The following NR6A1 variants were observed in gnomAD, a reference collection of about 807,000 sequenced individuals.
NR6A1 encodes the protein nuclear receptor subfamily 6 group A member 1, also known as retinoic acid receptor-related testis-associated receptor.
A neutral mutation model predicts 59.1 loss-of-function variants in NR6A1; 7 were observed. The ratio of observed to expected loss-of-function variants is 0.12; its 90% CI spans 0.07 to 0.22. The LOEUF (loss-of-function observed/expected upper bound fraction) is 0.22, where lower values mean the gene tolerates loss of function less well. Ranked by LOEUF, NR6A1 falls within the 10% of genes least tolerant of loss-of-function variation. The pLI is 1.00. For missense variants in NR6A1, 468 were observed against 611.6 expected (o/e 0.77, Z 2.48); for synonymous variants, 243 against 236.1 (o/e 1.03, Z -0.27).
intron 2 of NR6A1, among the ~76,000 whole-genome samples, chr9:124,562,395 T>C (rs1834107777): frequency 6.6e-6 from 1 of 152,158 alleles, no homozygotes; most frequent in African/African-American, 2.4e-5. Flanking sequence ...CTATAGACTT[T>C]CAAACCTTAG....
intron 2 of NR6A1, among the ~76,000 whole-genome samples, chr9:124,590,300 A>G (rs1835078773): frequency 6.6e-6 from 1 of 151,922 alleles, no homozygotes; most frequent in Non-Finnish European, 1.5e-5. Context: ...GCAGCCATAC[A>G]TTTGGAAGAG....
At chr9:124,563,857 T>C (rs1466236355) in intron 2 of NR6A1, among the ~76,000 whole-genome samples, 1 of 152,064 alleles carries the variant, frequency 6.6e-6, no homozygotes, top group Non-Finnish European at 1.5e-5. Flanking sequence ...GGGAGAATCA[T>C]TTGAGGCCAG....
chr9:124,753,496 A>G (rs1452505449), intron 1 of NR6A1, among the ~76,000 whole-genome samples: 2 of 152,248 alleles, frequency 1.3e-5, no homozygotes, highest in African/African-American at 2.4e-5. Flanking sequence ...GATACAGGAA[A>G]AACTGAAGAT....
intron 2 of NR6A1, among the ~76,000 whole-genome samples, chr9:124,725,627 T>C (rs1839691509): frequency 6.6e-6 from 1 of 152,084 alleles, no homozygotes; most frequent in Non-Finnish European, 1.5e-5. Context: ...ATTCCAAAGA[T>C]ACAACACAAG....
intron 2 of NR6A1, among the ~76,000 whole-genome samples, chr9:124,701,076 T>A (rs916502299): frequency 6.6e-6 from 1 of 152,188 alleles, no homozygotes; most frequent in Admixed American, 6.5e-5. Context: ...ACAGTCTTTG[T>A]ATGGACATAA....
chr9:124,609,707 C>G (rs1048278845), intron 2 of NR6A1, among the ~76,000 whole-genome samples: 1 of 152,128 alleles, frequency 6.6e-6, no homozygotes, highest in African/African-American at 2.4e-5. Context: ...GGTGGTATGG[C>G]CATTTTGACA....
At chr9:124,599,297 G>C (rs1835377071) in intron 2 of NR6A1, 1 of 382,540 alleles carries the variant, frequency 2.6e-6, no homozygotes, top group East Asian at 6.5e-5. Flanking sequence ...ACAAAAAATA[G>C]CTGGGCGTGG....
chr9:124,659,331 C>T (rs768702212), intron 2 of NR6A1, among the ~76,000 whole-genome samples: 7 of 152,148 alleles, frequency 4.6e-5, no homozygotes, highest in African/African-American at 1.4e-4. Flanking sequence ...CTCATGCGTG[C>T]GATCGTGACT....
chr9:124,671,091 G>C (rs1335255997), intron 2 of NR6A1, among the ~76,000 whole-genome samples: 4 of 152,184 alleles, frequency 2.6e-5, no homozygotes, highest in Admixed American at 2.6e-4. Context: ...GTAGAATGGT[G>C]ATTACCAGGA....
At chr9:124,674,672 G>C (rs1289670742) in intron 2 of NR6A1, among the ~76,000 whole-genome samples, 1 of 152,032 alleles carries the variant, frequency 6.6e-6, no homozygotes, top group Non-Finnish European at 1.5e-5. Context: ...TTGGACATAA[G>C]CAACTTAATA....
chr9:124,705,966 A>G (rs1839121595), intron 2 of NR6A1, among the ~76,000 whole-genome samples: 1 of 152,016 alleles, frequency 6.6e-6, no homozygotes, highest in African/African-American at 2.4e-5. Context: ...AGTAGAGACA[A>G]GGTTTCATCA....
At chr9:124,586,588 G>A (rs191897546) in intron 2 of NR6A1, among the ~76,000 whole-genome samples, 70 of 152,186 alleles carry the variant, frequency 4.6e-4, no homozygotes, top group African/African-American at 1.5e-3. Context: ...TGGGACTACA[G>A]GCATGCGCCA....
chr9:124,555,383 G>A (rs537147471), intron 2 of NR6A1, among the ~76,000 whole-genome samples: 1 of 152,274 alleles, frequency 6.6e-6, no homozygotes, highest in East Asian at 1.9e-4. Flanking sequence ...GGAAGGTTCC[G>A]ATCAGAGGCC....
intron 2 of NR6A1, among the ~76,000 whole-genome samples, chr9:124,581,268 A>G (rs990064505): frequency 6.6e-6 from 1 of 152,228 alleles, no homozygotes; most frequent in African/African-American, 2.4e-5. Context: ...ATGGGATTTA[A>G]TTAAACTAAA....
rs11346749 is a variant in NR6A1, at chr9:124,601,583, C to CA, written c.143-47014dup. ...TGGGCGACAGAGGGAGACTCTGTGTCAAAAAAAAAAAAAAAAGAAAGAAAA... is the reference window on the plus strand; with the variant it reads ...TGGGCGACAGAGGGAGACTCTGTGTCAAAAAAAAAAAAAAAAAGAAAGAAAA... On this transcript the variant is annotated intron_variant, in intron 2 of 9. Transcript: ENST00000487099. 5.3e-3 allele frequency among the ~76,000 whole-genome samples: 475 copies of CA among 89,800 alleles called. 2 individuals carry two copies. The highest frequency in any genetic ancestry group is 0.024 in the South Asian group (64 of 2,676). The allele number at this position is 89,800 out of a possible 152,430, so 58.9% of individuals were successfully genotyped here.
At chr9:124,616,835 G>GTA (rs1835908522) in intron 2 of NR6A1, among the ~76,000 whole-genome samples, 2 of 152,040 alleles carry the variant, frequency 1.3e-5, no homozygotes, top group Non-Finnish European at 2.9e-5. Context: ...AAAAATAGTG[G>GTA]TATATTTCAG....
Position 124,771,256 on chromosome 9 carries a change from G to A in NR6A1, c.-137C>T. On this transcript the variant is annotated 5_prime_UTR_variant, in exon 1 of 10. Coordinates refer to ENST00000487099, the MANE Select transcript of NR6A1 (RefSeq NM_033334.4). The stretch of plus-strand genomic sequence containing the variant: ...CCGGCCGCGGCTCTCTCTGGGCCCC[G>A]AGCCGCCCGGCTCCGCGCCGCTCCG... The A allele has an allele frequency of 4.6e-6, 2 of 437,370 alleles. No homozygotes were observed. Among genetic ancestry groups the A allele is most frequent in the South Asian group, 1.2e-4 (1 of 8,652 alleles). The allele number at this position is 437,370 out of a possible 1,614,324, so 27.1% of individuals were successfully genotyped here.
intron 1 of NR6A1, among the ~76,000 whole-genome samples, chr9:124,766,969 C>T (rs573166934): frequency 6.6e-6 from 1 of 152,196 alleles, no homozygotes; most frequent in Non-Finnish European, 1.5e-5. Context: ...ATGCAAGCAT[C>T]ATTAGCAATT....
At chr9:124,741,224 C>T (rs1840164872) in intron 1 of NR6A1, among the ~76,000 whole-genome samples, 1 of 152,152 alleles carries the variant, frequency 6.6e-6, no homozygotes, top group East Asian at 1.9e-4. Flanking sequence ...GGCTATGAAA[C>T]AGTGAAAACA....
Sources: gnomAD v4.1 joint callset for allele counts (sites outside exome capture counted in the v4.1 genomes callset) on GRCh38, gnomAD v4.1.1 for gene constraint, MANE v1.5 for transcripts, NCBI Gene and HGNC (gene_info 2026-07-23, HGNC 2026-07-21) for gene names.